The following FAT3 variants were observed in gnomAD, a reference collection of about 807,000 sequenced individuals.
FAT3 encodes FAT atypical cadherin 3.
FAT3 carries 95 observed loss-of-function variants against 310.2 expected under a neutral mutation model. The ratio of observed to expected loss-of-function variants is 0.31; its 90% CI spans 0.26 to 0.36. The LOEUF (loss-of-function observed/expected upper bound fraction) is 0.36. FAT3 is among the 10% of genes least tolerant of loss of function. The pLI is 1.00. For synonymous variants in FAT3, 2,314 were observed against 2,192.9 expected (o/e 1.06, Z -1.54); for missense variants, 5,408 against 5,715.6 (o/e 0.95, Z 1.74).
chr11:92,503,906 G>T (rs1363863082), intron 2 of FAT3, among the ~76,000 whole-genome samples: 1 of 152,106 alleles, frequency 6.6e-6, no homozygotes, highest in East Asian at 1.9e-4. Context: ...CTTTTGAGAT[G>T]GTCCCTTGAA....
chr11:92,728,731 A>G (rs1391685335), intron 4 of FAT3, among the ~76,000 whole-genome samples: 1 of 152,168 alleles, frequency 6.6e-6, no homozygotes, highest in Non-Finnish European at 1.5e-5. Flanking sequence ...GTTCTGGGGA[A>G]GAATCCTTCC....
Position 92,354,834 on chromosome 11 carries a change from G to A in FAT3, c.2722G>A (p.Asp908Asn), listed in dbSNP as rs190042384. The change falls in exon 2 of 28, where the codon GAC becomes AAC. Residue 908 changes from aspartate (D) to asparagine (N), a missense_variant. Physicochemically the swap from Asp to Asn is conservative, Grantham distance 23. Coordinates refer to ENST00000525166, the MANE Select transcript of FAT3 (RefSeq NM_001367949.2). ...TTATTCTTTGAAAATAGAAGCCAGG[G>A]ACAAGGCAGAGAGTGGTCAGCAGCT... ...ANYSLKIEARDKAESGQQLFS... is the reference protein window; with the variant it reads ...ANYSLKIEARNKAESGQQLFS... The A allele has an allele frequency of 6.2e-7, 1 of 1,613,862 alleles. No homozygotes were observed. Among genetic ancestry groups the A allele is most frequent in the Non-Finnish European group, 8.5e-7 (1 of 1,179,846 alleles).
chr11:92,647,723 A>G (rs533871705), intron 3 of FAT3, among the ~76,000 whole-genome samples: 2 of 152,262 alleles, frequency 1.3e-5, no homozygotes, highest in Non-Finnish European at 1.5e-5. Flanking sequence ...TAAACTATCA[A>G]TTAAATGGAA....
chr11:92,736,278 A>G (rs1053612540), intron 4 of FAT3, among the ~76,000 whole-genome samples: 8 of 152,150 alleles, frequency 5.3e-5, no homozygotes, highest in Non-Finnish European at 8.8e-5. Context: ...ACAGCCTACC[A>G]GTTTTGGGAA....
At chr11:92,270,801 A>G (rs1157229763) in intron 1 of FAT3, among the ~76,000 whole-genome samples, 1 of 152,116 alleles carries the variant, frequency 6.6e-6, no homozygotes, top group Non-Finnish European at 1.5e-5. Context: ...TCTAAACAGA[A>G]CTAATGTTAT....
chr11:92,751,457 G>A (rs1260280471), intron 4 of FAT3, among the ~76,000 whole-genome samples: 1 of 152,170 alleles, frequency 6.6e-6, no homozygotes, highest in African/African-American at 2.4e-5. Context: ...TAATTTTTGT[G>A]CAAAGAAAGG....
chr11:92,606,091 T>C (rs569277496), intron 3 of FAT3, among the ~76,000 whole-genome samples: 2 of 152,292 alleles, frequency 1.3e-5, no homozygotes, highest in East Asian at 1.9e-4. Context: ...CAACAATTGG[T>C]GAGTGAGCCC....
In FAT3 at chr11:92,831,905, C is replaced by A; in HGVS notation, c.9765C>A (p.Val3255=). ...VPEDTSPGTQ[V]LAVFATSKDI... The stretch of plus-strand genomic sequence containing the variant: ...AGGACACCTCCCCTGGCACCCAAGT[C>A]CTTGCTGTTTTTGCCACCAGCAAAG... Residue 3255 remains valine, a synonymous_variant, in exon 14 of 28, where the codon GTC becomes GTA. Transcript: ENST00000525166. 6.2e-7 allele frequency: 1 copy of A among 1,611,464 alleles called. No homozygotes were observed. The highest frequency in any genetic ancestry group is 2.2e-5 in the East Asian group (1 of 44,778).
rs566236434 is a variant in FAT3, at chr11:92,355,104, C to T, written c.2992C>T (p.Leu998Phe). The T allele has an allele frequency of 1.2e-6, 2 of 1,613,734 alleles. No homozygotes were observed. The highest frequency in any genetic ancestry group is 3.3e-5 in the Admixed American group (2 of 59,898). The stretch of plus-strand genomic sequence containing the variant: ...TGGTGCCATCCGCTTGAGCAAAGAG[C>T]TTGATTATGAGAAACAGCAGTTCTA... ...ASGAIRLSKE[L>F]DYEKQQFYNL... The change falls in exon 2 of 28, where the codon CTT (leucine) becomes TTT (phenylalanine). Residue 998 changes from leucine (L) to phenylalanine (F), a missense_variant. This residue lies in a region of FAT3 where 4,588 missense variants were observed against 4,809.8 expected (regional missense o/e 0.95). Transcript: ENST00000525166.
chr11:92,596,751 ACC>A (rs1939729699), intron 3 of FAT3, among the ~76,000 whole-genome samples: 2 of 152,274 alleles, frequency 1.3e-5, no homozygotes, highest in East Asian at 1.9e-4. Context: ...TCATAGTACC[ACC>A]AAGTGCTGGT....
intron 4 of FAT3, among the ~76,000 whole-genome samples, chr11:92,729,946 T>C (rs1945128503): frequency 6.6e-6 from 1 of 152,240 alleles, no homozygotes; most frequent in South Asian, 2.1e-4. Flanking sequence ...CTAGTGGTTA[T>C]CTCTGGGTAA....
intron 1 of FAT3, among the ~76,000 whole-genome samples, chr11:92,242,705 T>C (rs1223430357): frequency 2.6e-5 from 4 of 152,008 alleles, no homozygotes; most frequent in Non-Finnish European, 5.9e-5. Flanking sequence ...GAAAGTGTGT[T>C]TCTGAACTAC....
intron 2 of FAT3, among the ~76,000 whole-genome samples, chr11:92,451,461 C>G (rs1951349957): frequency 6.6e-6 from 1 of 152,104 alleles, no homozygotes; most frequent in South Asian, 2.1e-4. Context: ...ATTAAGTTTC[C>G]TCTTGCACAG....
At chr11:92,675,048 T>G (rs76356678) in intron 3 of FAT3, among the ~76,000 whole-genome samples, 2 of 152,166 alleles carry the variant, frequency 1.3e-5, no homozygotes, top group Non-Finnish European at 2.9e-5. Context: ...ATGAGAATGC[T>G]TGTTACCCTC....
chr11:92,279,121 A>G (rs978887094), intron 1 of FAT3, among the ~76,000 whole-genome samples: 2 of 152,162 alleles, frequency 1.3e-5, no homozygotes, highest in Admixed American at 1.3e-4. Context: ...ACATTACTAA[A>G]CCTTTTATCT....
In FAT3 at chr11:92,352,220, T is replaced by G; in HGVS notation, c.108T>G (p.Thr36=). The G allele has an allele frequency of 7.2e-7, 1 of 1,383,642 alleles. No homozygotes were observed. Among genetic ancestry groups the G allele is most frequent in the Non-Finnish European group, 9.7e-7 (1 of 1,033,050 alleles). The allele number at this position is 1,383,642 out of a possible 1,614,324, so 85.7% of individuals were successfully genotyped here. A position where few individuals can be genotyped will look rare whatever the true frequency, so the allele number is the denominator to read the frequency against. ...LATVSQGLPG[T]GPLGFHFTHS... is the part of the protein sequence containing the mutation. ...CTGTCTCCCAGGGGCTGCCAGGGAC[T>G]GGACCCCTGGGCTTCCACTTCACAC... Residue 36 remains threonine, a synonymous_variant, in exon 2 of 28, where the codon ACT becomes ACG. Coordinates refer to ENST00000525166, the MANE Select transcript of FAT3 (RefSeq NM_001367949.2).
intron 2 of FAT3, among the ~76,000 whole-genome samples, chr11:92,396,844 T>A (rs1341975931): frequency 1.3e-5 from 2 of 152,080 alleles, no homozygotes; most frequent in Non-Finnish European, 2.9e-5. Flanking sequence ...GTAGCTGGGA[T>A]TACAGGCACC....
At chr11:92,734,078 T>C (rs1334952365) in intron 4 of FAT3, among the ~76,000 whole-genome samples, 1 of 152,218 alleles carries the variant, frequency 6.6e-6, no homozygotes, top group Non-Finnish European at 1.5e-5. Flanking sequence ...TAGGAAGTTT[T>C]CCAGCCTCCA....
intron 1 of FAT3, among the ~76,000 whole-genome samples, chr11:92,264,575 A>G (rs41495544): frequency 0.019 from 2,868 of 152,296 alleles, 65 homozygotes; most frequent in African/African-American, 0.061. Context: ...GGGGGAATCT[A>G]GGTTGCTATG....
Sources: gnomAD v4.1 joint callset for allele counts (sites outside exome capture counted in the v4.1 genomes callset) on GRCh38, gnomAD v4.1.1 for gene constraint, gnomAD v4.1.1 regional missense constraint, MANE v1.5 for transcripts, NCBI Gene and HGNC (gene_info 2026-07-23, HGNC 2026-07-21) for gene names.